LRRTM4: variants seen among roughly 807,000 people sequenced by gnomAD.
LRRTM4 encodes the protein leucine-rich repeat transmembrane neuronal protein 4.
A neutral mutation model predicts 47.6 loss-of-function variants in LRRTM4; 25 were observed. The observed-to-expected ratio is 0.53, with a 90% CI of 0.38 to 0.73. The LOEUF is 0.73. Ranked by LOEUF, LRRTM4 falls within the 30% of genes least tolerant of loss-of-function variation. LRRTM4 has a pLI of 0.00. For missense variants in LRRTM4, 638 were observed against 713.4 expected, an observed-to-expected ratio of 0.89 and a Z score of 1.20; for synonymous variants, 311 against 269.5, an observed-to-expected ratio of 1.15 and a Z score of -1.51.
chr2:76,916,143 AG>A (rs1047533172), intron 3 of LRRTM4, among the ~76,000 whole-genome samples: 3 of 152,142 alleles, frequency 2.0e-5, no homozygotes, highest in African/African-American at 7.2e-5. Context: ...TCCAGAGGAA[AG>A]AAAAAACTAA....
chr2:77,423,289 G>T (rs1674974830), intron 3 of LRRTM4, among the ~76,000 whole-genome samples: 1 of 151,536 alleles, frequency 6.6e-6, no homozygotes, highest in Admixed American at 6.6e-5. Context: ...ATTTATTTTA[G>T]GGCACATGGG....
intron 3 of LRRTM4, among the ~76,000 whole-genome samples, chr2:77,230,284 A>G (rs201310422): frequency 6.6e-6 from 1 of 152,142 alleles, no homozygotes; most frequent in East Asian, 1.9e-4. Flanking sequence ...CTTTTAATCC[A>G]TATAGGTATG....
At chr2:77,226,140 C>T (rs1573106099) in intron 3 of LRRTM4, among the ~76,000 whole-genome samples, 1 of 151,438 alleles carries the variant, frequency 6.6e-6, no homozygotes, top group East Asian at 1.9e-4. Context: ...TTAGAAAACC[C>T]TAAAAATCAT....
chr2:76,752,396 A>T (rs1672880309), intron 3 of LRRTM4, among the ~76,000 whole-genome samples: 1 of 152,132 alleles, frequency 6.6e-6, no homozygotes, highest in African/African-American at 2.4e-5. Context: ...ATATTACACC[A>T]TTTCTGAACT....
intron 3 of LRRTM4, among the ~76,000 whole-genome samples, chr2:77,271,213 G>A (rs1676182161): frequency 6.6e-6 from 1 of 152,128 alleles, no homozygotes; most frequent in Non-Finnish European, 1.5e-5. Flanking sequence ...AGGACCCACT[G>A]AATATGGGTA....
At chr2:77,170,692 A>G (rs1387740276) in intron 3 of LRRTM4, among the ~76,000 whole-genome samples, 1 of 152,148 alleles carries the variant, frequency 6.6e-6, no homozygotes, top group African/African-American at 2.4e-5. Flanking sequence ...CTGTTTTTGC[A>G]CATGGTTTTG....
chr2:76,762,566 A>G (rs1000386957), intron 3 of LRRTM4, among the ~76,000 whole-genome samples: 1 of 152,202 alleles, frequency 6.6e-6, no homozygotes, highest in Non-Finnish European at 1.5e-5. Context: ...TCAAAGTGCC[A>G]TTTGTAAGGA....
At chr2:77,312,477 A>T (rs966831924) in intron 3 of LRRTM4, among the ~76,000 whole-genome samples, 3 of 152,208 alleles carry the variant, frequency 2.0e-5, no homozygotes, top group Admixed American at 1.3e-4. Context: ...TCAACTTAAA[A>T]ATCTAAAATT....
At chr2:77,167,215 C>G (rs1031144106) in intron 3 of LRRTM4, among the ~76,000 whole-genome samples, 8 of 152,078 alleles carry the variant, frequency 5.3e-5, no homozygotes, top group African/African-American at 1.9e-4. Context: ...TCATCATCAC[C>G]GGCCATCAGA....
chr2:77,413,222 TAAAACGA>T (rs1674507584), intron 3 of LRRTM4, among the ~76,000 whole-genome samples: 1 of 152,166 alleles, frequency 6.6e-6, no homozygotes, highest in African/African-American at 2.4e-5. Context: ...TGGCTTGAAC[TAAAACGA>T]AATTTGTTGC....
intron 3 of LRRTM4, among the ~76,000 whole-genome samples, chr2:76,791,796 T>A (rs1237034939): frequency 2.0e-5 from 3 of 152,192 alleles, no homozygotes; most frequent in Non-Finnish European, 4.4e-5. Context: ...TACTTACTTA[T>A]TTTGCCAACA....
intron 3 of LRRTM4, among the ~76,000 whole-genome samples, chr2:77,143,187 TGAA>T (rs1282375288): frequency 6.6e-6 from 1 of 152,190 alleles, no homozygotes; most frequent in Non-Finnish European, 1.5e-5. Context: ...TTGGACATCT[TGAA>T]GTTAGTATGC....
Position 76,935,569 on chromosome 2 carries a change from C to A in LRRTM4, c.1552-186653G>T, listed in dbSNP as rs536127423. On this transcript the variant is annotated intron_variant, in intron 3 of 3. Coordinates refer to ENST00000409884, the MANE Select transcript of LRRTM4 (RefSeq NM_001134745.3). ...TTCTCCTTGAAAAGGTCCTTCACAT[C>A]CCTTGTAAGTTGTATTCCTAGGTAT... Among the ~76,000 whole-genome samples the A allele has an allele frequency of 2.0e-5, 3 of 152,214 alleles. No individual in the cohort carries two copies. The South Asian group carries it at 6.2e-4, about 32-fold the overall frequency.
chr2:76,864,679 A>C (rs1398172967), intron 3 of LRRTM4, among the ~76,000 whole-genome samples: 3 of 150,628 alleles, frequency 2.0e-5, no homozygotes, highest in Non-Finnish European at 4.4e-5. Flanking sequence ...AAAAAAAATG[A>C]AGTGATCTTA....
chr2:76,946,100 T>C lies in LRRTM4; in HGVS notation c.1552-197184A>G, dbSNP rs1484038854. On this transcript the variant is annotated intron_variant, in intron 3 of 3. Coordinates refer to ENST00000409884, the MANE Select transcript of LRRTM4 (RefSeq NM_001134745.3). ...TCTTGTCTCTGTGGATAATAATGCC[T>C]TAAAAGTCAGTATTTTCCCTAGACT... 1.3e-5 allele frequency among the ~76,000 whole-genome samples: 2 copies of C among 151,928 alleles called. 1 individual carries two copies. The highest frequency in any genetic ancestry group is 2.9e-5 in the Non-Finnish European group (2 of 67,854).
chr2:76,928,022 C>T (rs11904529), intron 3 of LRRTM4, among the ~76,000 whole-genome samples: 1,612 of 152,240 alleles, frequency 0.011, 44 homozygotes, highest in African/African-American at 0.037. Context: ...TCCCAATTGC[C>T]TTTCTAAATT....
chr2:77,522,012 C>A, intron 1 of LRRTM4, 97 bp downstream of exon 1: 1 of 695,824 alleles, frequency 1.4e-6, no homozygotes, highest in Middle Eastern at 2.4e-4. Flanking sequence ...GACCCATCAG[C>A]AGTAATTGGC....
chr2:76,833,406 C>T (rs775371755), intron 3 of LRRTM4, among the ~76,000 whole-genome samples: 35 of 151,972 alleles, frequency 2.3e-4, no homozygotes, highest in Non-Finnish European at 4.6e-4. Context: ...CATATTTTAT[C>T]TCAGCTCTAG....
chr2:76,878,074 G>A lies in LRRTM4; in HGVS notation c.1552-129158C>T, dbSNP rs148340286. Among the ~76,000 whole-genome samples the A allele has an allele frequency of 3.8e-3, 576 of 152,174 alleles. 1 individual carries two copies. The highest frequency in any genetic ancestry group is 0.013 in the African/African-American group (551 of 41,508). On this transcript the variant is annotated intron_variant, in intron 3 of 3. Coordinates refer to ENST00000409884, the MANE Select transcript of LRRTM4 (RefSeq NM_001134745.3). Reference sequence around the variant, plus strand: ...TTGCAACAGCGTATGTTCACTTCATGTCTCTGTGTCACATTTTGGTGATTC... The same window carrying A: ...TTGCAACAGCGTATGTTCACTTCATATCTCTGTGTCACATTTTGGTGATTC...
Sources: gnomAD v4.1 joint callset for allele counts (sites outside exome capture counted in the v4.1 genomes callset) on GRCh38, gnomAD v4.1.1 for gene constraint, MANE v1.5 for transcripts, NCBI Gene and HGNC (gene_info 2026-07-23, HGNC 2026-07-21) for gene names.